CNTN4: variants seen among roughly 807,000 people sequenced by gnomAD.
CNTN4 encodes contactin 4, also known as contactin-4.
Under a neutral mutation model 122.5 loss-of-function variants are expected in CNTN4, and 77 were observed. The observed-to-expected ratio is 0.63, with a 90% CI of 0.52 to 0.76. The LOEUF (loss-of-function observed/expected upper bound fraction) is 0.76. Ranked by LOEUF, CNTN4 falls within the 30% of genes least tolerant of loss-of-function variation. The pLI is 0.00. For synonymous variants in CNTN4, 512 were observed against 447.0 expected, an observed-to-expected ratio of 1.15 and a Z score of -1.83; for missense variants, 1,256 against 1,259.1, an observed-to-expected ratio of 1.00 and a Z score of 0.04.
At chr3:2,605,056 G>C (rs938067872) in intron 4 of CNTN4, among the ~76,000 whole-genome samples, 1 of 152,170 alleles carries the variant, frequency 6.6e-6, no homozygotes, top group Non-Finnish European at 1.5e-5. Context: ...ACCCAGGCTA[G>C]AGTTCAGTAG....
chr3:2,636,781 A>C (rs2082674190), intron 4 of CNTN4, among the ~76,000 whole-genome samples: 1 of 152,208 alleles, frequency 6.6e-6, no homozygotes, highest in African/African-American at 2.4e-5. Flanking sequence ...TTGCTGCTGA[A>C]GGACAAAACA....
At chr3:2,486,596 T>A (rs997932625) in intron 3 of CNTN4, among the ~76,000 whole-genome samples, 1 of 152,186 alleles carries the variant, frequency 6.6e-6, no homozygotes, top group East Asian at 1.9e-4. Context: ...GATACATTTT[T>A]AAAAAAATTA....
chr3:2,619,848 G>A (rs2081926510), intron 4 of CNTN4, among the ~76,000 whole-genome samples: 1 of 152,164 alleles, frequency 6.6e-6, no homozygotes, highest in Non-Finnish European at 1.5e-5. Flanking sequence ...ACATTGCAGT[G>A]CATTTGTTGT....
intron 7 of CNTN4, among the ~76,000 whole-genome samples, chr3:2,826,615 T>C (rs1178034670): frequency 1.3e-5 from 2 of 152,316 alleles, no homozygotes; most frequent in East Asian, 1.9e-4. Context: ...TATTTCTTCA[T>C]ATGACTTCTG....
chr3:2,603,127 T>G (rs890385893), intron 4 of CNTN4, among the ~76,000 whole-genome samples: 1 of 152,044 alleles, frequency 6.6e-6, no homozygotes, highest in Non-Finnish European at 1.5e-5. Flanking sequence ...AAAAAAAAAA[T>G]TTCTGAGAAT....
At chr3:2,759,615 T>C (rs2090495138) in intron 6 of CNTN4, among the ~76,000 whole-genome samples, 1 of 152,140 alleles carries the variant, frequency 6.6e-6, no homozygotes, top group Non-Finnish European at 1.5e-5. Context: ...GACACATGTA[T>C]TTTCATTTCT....
chr3:2,880,485 G>A (rs779614571), intron 8 of CNTN4, among the ~76,000 whole-genome samples: 4 of 152,158 alleles, frequency 2.6e-5, no homozygotes, highest in East Asian at 1.9e-4. Context: ...ATGATTCAAC[G>A]GTACGGGCTG....
intron 4 of CNTN4, among the ~76,000 whole-genome samples, chr3:2,671,103 G>A (rs1287871762): frequency 2.0e-5 from 3 of 152,076 alleles, no homozygotes; most frequent in Admixed American, 6.5e-5. Flanking sequence ...GTATCTTTGT[G>A]GCGTTCTCTG....
chr3:2,204,462 C>G (rs942393576), intron 2 of CNTN4, among the ~76,000 whole-genome samples: 1 of 152,106 alleles, frequency 6.6e-6, no homozygotes, highest in African/African-American at 2.4e-5. Context: ...TTCACAGATT[C>G]TTCTTGAAGT....
intron 13 of CNTN4, among the ~76,000 whole-genome samples, chr3:2,955,601 A>T (rs1207073860): frequency 6.6e-6 from 1 of 152,160 alleles, no homozygotes; most frequent in Admixed American, 6.6e-5. Context: ...AATTATCCCT[A>T]ACTAATCACT....
At chr3:2,959,690 ATCT>A (rs987555403) in intron 13 of CNTN4, among the ~76,000 whole-genome samples, 2 of 151,878 alleles carry the variant, frequency 1.3e-5, no homozygotes, top group Admixed American at 1.3e-4. Context: ...AAAAAAAAAA[ATCT>A]TCTACTCATC....
intron 7 of CNTN4, among the ~76,000 whole-genome samples, chr3:2,853,881 C>T (rs539756144): frequency 6.6e-6 from 1 of 152,224 alleles, no homozygotes. Flanking sequence ...GACTCACTCC[C>T]ATCTCTATGC....
chr3:2,816,211 G>A (rs1048732855), intron 6 of CNTN4, among the ~76,000 whole-genome samples: 18 of 148,082 alleles, frequency 1.2e-4, no homozygotes, highest in Non-Finnish European at 1.5e-4. Context: ...AAAATTAGCC[G>A]GGCGTGGTGG....
At chr3:2,188,127 C>T (rs1211064098) in intron 2 of CNTN4, among the ~76,000 whole-genome samples, 1 of 152,136 alleles carries the variant, frequency 6.6e-6, no homozygotes, top group African/African-American at 2.4e-5. Context: ...CAATCATTCC[C>T]TAGGCAGAAT....
chr3:3,048,524 G>C (rs1487071319), intron 23 of CNTN4, among the ~76,000 whole-genome samples: 2 of 150,320 alleles, frequency 1.3e-5, no homozygotes, highest in Admixed American at 6.6e-5. Context: ...CTCTGTGTGT[G>C]TGTGTGTGTG....
In CNTN4 at chr3:2,844,371, T is replaced by G. The variant is rs143429507; in HGVS notation, c.455-22381T>G. ...TTATGTTAAGGTCACCATAGATATA[T>G]TGTGCAGTAGAACTCAGAAGTAGAA... On this transcript the variant is annotated intron_variant, in intron 7 of 24. Coordinates refer to ENST00000418658, the MANE Select transcript of CNTN4 (RefSeq NM_175607.3). Among the ~76,000 whole-genome samples, 512 of 152,326 alleles carry G rather than the reference T, an allele frequency of 3.4e-3. 4 individuals are homozygous for G. Among genetic ancestry groups the G allele is most frequent in the African/African-American group, 0.012 (485 of 41,562 alleles).
At chr3:2,775,050 G>T (rs186031434) in intron 6 of CNTN4, among the ~76,000 whole-genome samples, 52 of 152,298 alleles carry the variant, frequency 3.4e-4, no homozygotes, top group Non-Finnish European at 1.2e-4. Flanking sequence ...TTCATCATAT[G>T]CTCTGTGGGA....
intron 2 of CNTN4, among the ~76,000 whole-genome samples, chr3:2,201,286 A>G (rs1399086920): frequency 6.6e-6 from 1 of 152,206 alleles, no homozygotes; most frequent in African/African-American, 2.4e-5. Context: ...GAGAAGTTAA[A>G]AAAACTGCCT....
At chr3:2,163,529 G>T (rs918356303) in intron 2 of CNTN4, among the ~76,000 whole-genome samples, 1 of 152,022 alleles carries the variant, frequency 6.6e-6, no homozygotes, top group African/African-American at 2.4e-5. Flanking sequence ...AAAAGCTTCT[G>T]CACAGCAAAA....
Sources: allele counts gnomAD v4.1 joint callset (sites outside exome capture counted in the v4.1 genomes callset), GRCh38; gene constraint gnomAD v4.1.1; transcripts MANE v1.5; gene names NCBI Gene and HGNC (gene_info 2026-07-23, HGNC 2026-07-21).